Variants in GTF2H3 observed in about 807,000 individuals in gnomAD.
GTF2H3 encodes the protein general transcription factor IIH subunit 3.
Under a neutral mutation model 51.1 loss-of-function variants are expected in GTF2H3, and 42 were observed. The ratio of observed to expected loss-of-function variants is 0.82; its 90% CI spans 0.64 to 1.06. The LOEUF is 1.06. Among genes scored for constraint, GTF2H3 ranks in the 50% least tolerant of loss-of-function variants. The probability of loss-of-function intolerance (pLI) is 0.00; values close to 1 mark genes in which losing one functional copy is unlikely to be tolerated. For missense variants in GTF2H3, 326 were observed against 366.1 expected (o/e 0.89, Z 0.89); for synonymous variants, 123 against 123.8 (o/e 0.99, Z 0.04).
chr12:123,641,488 AG>A (rs1955371306), intron 2 of GTF2H3, among the ~76,000 whole-genome samples: 1 of 150,552 alleles, frequency 6.6e-6, no homozygotes, highest in African/African-American at 2.5e-5. Context: ...GACCTCCCAA[AG>A]TGCTGGGGTT....
At chr12:123,639,487 A>AT in intron 2 of GTF2H3, 144 bp downstream of exon 2, 1 of 549,896 alleles carries the variant, frequency 1.8e-6, no homozygotes, top group Non-Finnish European at 3.3e-6. Context: ...TTTTAAGTAA[A>AT]TTTGCGAAGT....
chr12:123,645,779 G>GT (rs1333972308), intron 3 of GTF2H3, among the ~76,000 whole-genome samples: 1 of 152,236 alleles, frequency 6.6e-6, no homozygotes, highest in Non-Finnish European at 1.5e-5. Flanking sequence ...AATGGCCCAT[G>GT]TAATTTGCAC....
intron 5 of GTF2H3, 99 bp from the exon 6 acceptor site, chr12:123,652,433 T>C (rs532706684): frequency 1.4e-6 from 1 of 696,410 alleles, no homozygotes; most frequent in African/African-American, 1.9e-5. Context: ...GCTAGGTAGA[T>C]GCTGGGTTTA....
Position 123,648,113 on chromosome 12 carries a change from T to C in GTF2H3, c.351T>C (p.Asp117=). The part of the protein sequence containing the change: ...ANEVIVEEIK[D]LMTKSDIKGQ... ...AAGTTATTGTTGAAGAGATTAAAGA[T>C]CTAATGACCAAAAGTAACAACTTTT... The change falls in exon 4 of 13, where the codon GAT becomes GAC. Residue 117 remains aspartate (D), a synonymous_variant. Coordinates refer to ENST00000543341, the MANE Select transcript of GTF2H3 (RefSeq NM_001516.5). The C allele has an allele frequency of 6.2e-7, 1 of 1,602,360 alleles. No homozygotes were observed. Among genetic ancestry groups the C allele is most frequent in the Non-Finnish European group, 8.5e-7 (1 of 1,173,468 alleles).
At chr12:123,653,100 GAAA>G (rs983648754) in intron 7 of GTF2H3, among the ~76,000 whole-genome samples, 3 of 140,474 alleles carry the variant, frequency 2.1e-5, no homozygotes, top group African/African-American at 7.9e-5. Context: ...GTCTCAAAAA[GAAA>G]AAAAAAAGAA....
chr12:123,655,699 G>A (rs11572983), intron 8 of GTF2H3, 72 bp from the exon 9 acceptor site: 3 of 868,332 alleles, frequency 3.5e-6, no homozygotes, highest in East Asian at 4.9e-5. Context: ...AGTATGGCAT[G>A]TAGTAGGTTC....
At chr12:123,639,946 G>T (rs1955344429) in intron 2 of GTF2H3, 3 of 455,738 alleles carry the variant, frequency 6.6e-6, no homozygotes. Flanking sequence ...ATTGATTTGT[G>T]TGTCCATCAG....
intron 2 of GTF2H3, chr12:123,639,868 C>G: frequency 2.4e-6 from 1 of 417,846 alleles, no homozygotes; most frequent in Non-Finnish European, 4.9e-6. Context: ...GCAGGTTTTA[C>G]ATGTGCTCAC....
At chr12:123,643,721 G>T (rs916809192) in intron 2 of GTF2H3, among the ~76,000 whole-genome samples, 1 of 151,986 alleles carries the variant, frequency 6.6e-6, no homozygotes, top group African/African-American at 2.4e-5. Context: ...GTTGCAACTG[G>T]TTTTTTCCAG....
chr12:123,646,451 G>A (rs1955448336), intron 3 of GTF2H3, among the ~76,000 whole-genome samples: 1 of 151,946 alleles, frequency 6.6e-6, no homozygotes, highest in Non-Finnish European at 1.5e-5. Context: ...TTGTAGAGAT[G>A]GGGTCTCACT....
intron 1 of GTF2H3, among the ~76,000 whole-genome samples, chr12:123,634,583 GATATTGA>G: frequency 6.6e-6 from 1 of 152,354 alleles, no homozygotes; most frequent in Non-Finnish European, 1.5e-5. Context: ...AAAAGTGCAG[GATATTGA>G]AACCGACTTG....
intron 4 of GTF2H3, 99 bp downstream of exon 4, chr12:123,648,225 C>A: frequency 1.4e-6 from 1 of 734,436 alleles, no homozygotes; most frequent in Non-Finnish European, 2.2e-6. Flanking sequence ...TGTTGTATGC[C>A]TGCACGTTCT....
intron 1 of GTF2H3, among the ~76,000 whole-genome samples, chr12:123,638,976 T>TC (rs1955329013): frequency 6.6e-6 from 1 of 151,342 alleles, no homozygotes; most frequent in African/African-American, 2.4e-5. Context: ...TTTGTATTTT[T>TC]AGTAGAGACG....
chr12:123,633,844 A>G lies in GTF2H3; in HGVS notation c.-16A>G. On this transcript the variant is annotated 5_prime_UTR_variant, in exon 1 of 13. Transcript: ENST00000543341. ...CCTGACCACCACTTGCTCTGCGCTGAGGTGCTGGGACAGCCATGGTTTCAG... is the reference window on the plus strand; with the variant it reads ...CCTGACCACCACTTGCTCTGCGCTGGGGTGCTGGGACAGCCATGGTTTCAG... 6.2e-7 allele frequency: 1 copy of G among 1,612,860 alleles called. No individual in the cohort carries two copies. Among genetic ancestry groups the G allele is most frequent in the Non-Finnish European group, 8.5e-7 (1 of 1,179,958 alleles).
chr12:123,643,138 A>G (rs370946177), intron 2 of GTF2H3, among the ~76,000 whole-genome samples: 73 of 152,210 alleles, frequency 4.8e-4, no homozygotes, highest in African/African-American at 1.7e-3. Context: ...TTGGCCTCCC[A>G]AAGTGCTGGG....
At position 123,660,237 on chromosome 12, in the gene GTF2H3, G is replaced by T; in HGVS notation, c.*2G>T. The T allele has an allele frequency of 6.2e-7, 1 of 1,600,366 alleles. No homozygotes were observed. The highest frequency in any genetic ancestry group is 8.5e-7 in the Non-Finnish European group (1 of 1,173,016). On this transcript the variant is annotated 3_prime_UTR_variant, in exon 13 of 13. Coordinates refer to ENST00000543341, the MANE Select transcript of GTF2H3 (RefSeq NM_001516.5). ...AAGAAACTGAAAGTGTCTGCCTGAG[G>T]ATAAAATATTTTCCCCATCTTTTAG...
In GTF2H3 at chr12:123,645,420, A is replaced by G. The variant is rs1955432423; in HGVS notation, c.94-35A>G. 3.7e-6 allele frequency: 4 copies of G among 1,089,652 alleles called. No homozygotes were observed. In the East Asian group the frequency reaches 9.4e-5, roughly 26 times the overall value. 67.5% of individuals were successfully genotyped at this position (1,089,652 alleles called of 1,614,324 possible). A position where few individuals can be genotyped will look rare whatever the true frequency, so the allele number is the denominator to read the frequency against. On this transcript the variant is annotated intron_variant, in intron 2 of 12. Coordinates refer to ENST00000543341, the MANE Select transcript of GTF2H3 (RefSeq NM_001516.5). ...ACCTGACATGGTTATTTGGATAGCT[A>G]ATTTGTTTTTCTAATGTCTTTTTTT...
chr12:123,645,217 C>T (rs556874319), intron 2 of GTF2H3, among the ~76,000 whole-genome samples: 56 of 152,210 alleles, frequency 3.7e-4, no homozygotes, highest in African/African-American at 1.3e-3. Context: ...ACTACAGGTG[C>T]ACACCACCAT....
rs1480645389 is a variant in GTF2H3, at chr12:123,642,932, T to C, written c.94-2523T>C. Among the ~76,000 whole-genome samples, 4 of 152,310 alleles carry C rather than the reference T, an allele frequency of 2.6e-5. No homozygotes were observed. In the East Asian group the frequency reaches 7.7e-4, roughly 29 times the overall value. Reference sequence around the variant, plus strand: ...CTCTGTCGCCCAGGCTGGAGTGCAGTGGTGCAATCTCGGCTTACCGCAATC... The same window carrying C: ...CTCTGTCGCCCAGGCTGGAGTGCAGCGGTGCAATCTCGGCTTACCGCAATC... On this transcript the variant is annotated intron_variant, in intron 2 of 12. Transcript: ENST00000543341.
Sources: allele counts gnomAD v4.1 joint callset (sites outside exome capture counted in the v4.1 genomes callset), GRCh38; gene constraint gnomAD v4.1.1; transcripts MANE v1.5; gene names NCBI Gene and HGNC (gene_info 2026-07-23, HGNC 2026-07-21).